TRIM5: variants seen among roughly 807,000 people sequenced by gnomAD.
TRIM5 encodes tripartite motif containing 5, also known as tripartite motif-containing protein 5.
In TRIM5, 31 loss-of-function variants were observed where a neutral mutation model predicts 35.6. The observed-to-expected ratio is 0.87, with a 90% CI of 0.65 to 1.18. The LOEUF (loss-of-function observed/expected upper bound fraction) is 1.18. Ranked by LOEUF, TRIM5 falls within the 50% of genes most tolerant of loss-of-function variation. TRIM5 has a pLI of 0.00. For synonymous variants in TRIM5, 243 were observed against 215.6 expected, an observed-to-expected ratio of 1.13 and a Z score of -1.11; for missense variants, 609 against 591.6, an observed-to-expected ratio of 1.03 and a Z score of -0.31.
the TRIM5 span, among the ~76,000 whole-genome samples, chr11:5,641,469 C>T: frequency 6.6e-6 from 1 of 152,158 alleles, no homozygotes; most frequent in Non-Finnish European, 1.5e-5. Context: ...GGTGACTTCA[C>T]TCATTTAATT....
At chr11:5,643,868 T>C in the TRIM5 span, 1 of 932,420 alleles carries the variant, frequency 1.1e-6, no homozygotes, top group East Asian at 2.6e-5. Context: ...TTATGAGAGA[T>C]GCTTATTTAT....
chr11:5,615,315 T>C, the TRIM5 span, among the ~76,000 whole-genome samples: 1 of 152,218 alleles, frequency 6.6e-6, no homozygotes, highest in African/African-American at 2.4e-5. Context: ...GTATCTTTAC[T>C]GCTTTTCTAT....
chr11:5,621,920 G>A, the TRIM5 span, among the ~76,000 whole-genome samples: 2 of 152,102 alleles, frequency 1.3e-5, no homozygotes, highest in Non-Finnish European at 2.9e-5. Context: ...TCTCTAAAAT[G>A]TATACAACCA....
At chr11:5,632,547 G>A in the TRIM5 span, 5 of 1,613,952 alleles carry the variant, frequency 3.1e-6, no homozygotes, top group South Asian at 4.4e-5. Flanking sequence ...AGGCTAATCA[G>A]CATCTGGCCA....
At chr11:5,614,614 GA>G in the TRIM5 span, among the ~76,000 whole-genome samples, 1 of 151,988 alleles carries the variant, frequency 6.6e-6, no homozygotes, top group Non-Finnish European at 1.5e-5. Context: ...CTTTTTTCTG[GA>G]ACTATGTTAA....
intron 1 of TRIM5, among the ~76,000 whole-genome samples, chr11:5,681,261 C>A (rs767451259): frequency 6.6e-6 from 1 of 152,120 alleles, no homozygotes; most frequent in South Asian, 2.1e-4. Context: ...CTGCTTCTTG[C>A]GGCCCAATAA....
the TRIM5 span, chr11:5,596,829 A>G: frequency 1.9e-6 from 3 of 1,612,698 alleles, no homozygotes; most frequent in Non-Finnish European, 8.5e-7. Context: ...GGTGCCTTGG[A>G]TTGCTCTGAA....
chr11:5,596,809 A>T, the TRIM5 span: 1 of 1,601,336 alleles, frequency 6.2e-7, no homozygotes. Flanking sequence ...GTTCCTTAAG[A>T]TTAGTTTAAG....
chr11:5,633,695 T>G, the TRIM5 span: 21 of 1,073,098 alleles, frequency 2.0e-5, no homozygotes, highest in South Asian at 3.3e-4. Context: ...CTTCACAGTT[T>G]CTGTAAATTG....
the TRIM5 span, among the ~76,000 whole-genome samples, chr11:5,605,942 G>A: frequency 6.6e-6 from 1 of 152,116 alleles, no homozygotes. Context: ...GCTTAGCAGC[G>A]TCTCTGGCCT....
chr11:5,641,690 C>T, the TRIM5 span, among the ~76,000 whole-genome samples: 1 of 152,158 alleles, frequency 6.6e-6, no homozygotes, highest in Non-Finnish European at 1.5e-5. Context: ...GTAGCTGTGA[C>T]TCTGGTGATG....
the TRIM5 span, among the ~76,000 whole-genome samples, chr11:5,594,885 A>G: frequency 2.6e-5 from 4 of 152,166 alleles, no homozygotes; most frequent in African/African-American, 9.7e-5. Flanking sequence ...ATTTCAGAGC[A>G]TAAGCAGGCT....
chr11:5,630,765 C>T, the TRIM5 span, among the ~76,000 whole-genome samples: 1 of 152,126 alleles, frequency 6.6e-6, no homozygotes, highest in African/African-American at 2.4e-5. Context: ...TTTTTTACAC[C>T]TACCATTTTA....
chr11:5,665,162 C>T lies in TRIM5; in HGVS notation c.1129G>A (p.Ala377Thr). 1.2e-6 allele frequency: 2 copies of T among 1,613,994 alleles called. No homozygotes were observed. Among genetic ancestry groups the T allele is most frequent in the Non-Finnish European group, 1.7e-6 (2 of 1,179,958 alleles). ...KKTAWILGVC[A>T]GFQPDAMCNI... ...CACATTGCATCAGGTTGGAAGCCAG[C>T]ACATACCCCCAGGATCCAAGCAGTT... The change falls in exon 8 of 8, where the codon GCT becomes ACT. Residue 377 changes from alanine (A) to threonine (T), a missense_variant. Transcript: ENST00000380034.
the TRIM5 span, among the ~76,000 whole-genome samples, chr11:5,606,961 T>C: frequency 6.6e-6 from 1 of 152,172 alleles, no homozygotes; most frequent in Non-Finnish European, 1.5e-5. Context: ...CCCAGCACTT[T>C]GGGAGGCCGA....
At chr11:5,609,239 A>G in the TRIM5 span, among the ~76,000 whole-genome samples, 4 of 152,290 alleles carry the variant, frequency 2.6e-5, no homozygotes, top group South Asian at 8.3e-4. Context: ...TGGGAACCCT[A>G]TCGTCCCTTC....
At chr11:5,646,414 A>T in the TRIM5 span, among the ~76,000 whole-genome samples, 1 of 152,126 alleles carries the variant, frequency 6.6e-6, no homozygotes, top group East Asian at 1.9e-4. Context: ...ATATGACCAC[A>T]TCATCAGCAC....
chr11:5,620,254 T>G, the TRIM5 span, among the ~76,000 whole-genome samples: 1 of 133,018 alleles, frequency 7.5e-6, no homozygotes, highest in African/African-American at 2.9e-5. Context: ...CTCGGCTCAC[T>G]GCAACCTCCG....
At chr11:5,611,335 G>A in the TRIM5 span, 7 of 1,611,918 alleles carry the variant, frequency 4.3e-6, no homozygotes, top group Non-Finnish European at 5.9e-6. Context: ...CGTCGTCCAA[G>A]CTCTTGAATA....
Sources: gnomAD v4.1 joint callset for allele counts (sites outside exome capture counted in the v4.1 genomes callset) on GRCh38, gnomAD v4.1.1 for gene constraint, MANE v1.5 for transcripts, NCBI Gene and HGNC (gene_info 2026-07-23, HGNC 2026-07-21) for gene names.